Variants in AKR1C8 observed in about 807,000 individuals in gnomAD.
The protein encoded by AKR1C8 is aldo-keto reductase family 1 member C8.
the AKR1C8 span, chr10:5,158,616 G>C: frequency 2.1e-6 from 1 of 478,258 alleles, no homozygotes; most frequent in African/African-American, 2.0e-5. Context: ...GGGTCTCTTT[G>C]GGATCCCAGG....
the AKR1C8 span, among the ~76,000 whole-genome samples, chr10:5,177,419 A>G: frequency 2.6e-5 from 4 of 152,042 alleles, no homozygotes; most frequent in Non-Finnish European, 5.9e-5. Context: ...ATGTTCATCA[A>G]GGATATTGGT....
chr10:5,123,306 A>G, the AKR1C8 span: 1 of 252,332 alleles, frequency 4.0e-6, no homozygotes, highest in Non-Finnish European at 8.5e-6. Context: ...TGTTCATTGG[A>G]GCTCTTGACC....
chr10:5,154,078 G>A, the AKR1C8 span: 65,381 of 451,612 alleles, frequency 0.14, 5,360 homozygotes, highest in Admixed American at 0.19. Context: ...ATCAAATACT[G>A]AAATCCTCTC....
chr10:5,149,792 A>C, the AKR1C8 span, among the ~76,000 whole-genome samples: 17 of 152,294 alleles, frequency 1.1e-4, no homozygotes, highest in East Asian at 1.9e-4. Flanking sequence ...TATTAAACTT[A>C]TGTGAATAAC....
the AKR1C8 span, among the ~76,000 whole-genome samples, chr10:5,174,774 C>A: frequency 6.6e-6 from 1 of 151,158 alleles, no homozygotes; most frequent in Non-Finnish European, 1.5e-5. Flanking sequence ...TATGAAAAGA[C>A]ATAAAAATAA....
the AKR1C8 span, chr10:5,132,721 C>A: frequency 6.4e-7 from 1 of 1,556,914 alleles, no homozygotes; most frequent in Non-Finnish European, 8.8e-7. Context: ...TGGAAGAAAC[C>A]AGCTTCTATT....
chr10:5,173,245 A>G, the AKR1C8 span, among the ~76,000 whole-genome samples: 1 of 152,338 alleles, frequency 6.6e-6, no homozygotes. Flanking sequence ...ATTGATGAAG[A>G]GAAAAATATA....
the AKR1C8 span, chr10:5,123,834 A>G: frequency 6.2e-7 from 1 of 1,605,422 alleles, no homozygotes; most frequent in African/African-American, 1.3e-5. Flanking sequence ...CAGATGACAA[A>G]GATAGAAAAA....
chr10:5,130,303 A>T, the AKR1C8 span, among the ~76,000 whole-genome samples: 2 of 151,948 alleles, frequency 1.3e-5, no homozygotes, highest in African/African-American at 4.8e-5. Flanking sequence ...GACAAACCCA[A>T]AGCCAACATT....
the AKR1C8 span, among the ~76,000 whole-genome samples, chr10:5,119,010 A>G: frequency 1.3e-5 from 2 of 152,072 alleles, no homozygotes; most frequent in East Asian, 1.9e-4. Flanking sequence ...AATGTGAAAG[A>G]CCTTGCAGAA....
chr10:5,145,000 T>C, the AKR1C8 span, among the ~76,000 whole-genome samples: 5 of 151,724 alleles, frequency 3.3e-5, no homozygotes, highest in Non-Finnish European at 7.4e-5. Context: ...TGATATTGGC[T>C]GTGGGTTTGT....
chr10:5,174,278 C>T, the AKR1C8 span, among the ~76,000 whole-genome samples: 1 of 75,628 alleles, frequency 1.3e-5, no homozygotes, highest in Non-Finnish European at 3.0e-5. Context: ...TATGTGATGT[C>T]TATAAAAAAA....
chr10:5,120,390 A>T, the AKR1C8 span, among the ~76,000 whole-genome samples: 5 of 152,128 alleles, frequency 3.3e-5, no homozygotes, highest in Admixed American at 1.3e-4. Context: ...TAGGGTCTCC[A>T]CGATCAAGCT....
the AKR1C8 span, among the ~76,000 whole-genome samples, chr10:5,184,201 C>T: frequency 1.3e-5 from 2 of 152,160 alleles, no homozygotes; most frequent in African/African-American, 4.8e-5. Context: ...CTTTTCTTTC[C>T]CAGTCCATCA....
the AKR1C8 span, among the ~76,000 whole-genome samples, chr10:5,167,670 C>T: frequency 6.6e-6 from 1 of 152,036 alleles, no homozygotes; most frequent in Non-Finnish European, 1.5e-5. Flanking sequence ...TGGAGATATA[C>T]CTAATGTTAA....
At chr10:5,136,770 T>A in the AKR1C8 span, among the ~76,000 whole-genome samples, 1 of 152,096 alleles carries the variant, frequency 6.6e-6, no homozygotes, top group Non-Finnish European at 1.5e-5. Context: ...GAGGAGGACA[T>A]AAATAGTGTG....
At chr10:5,159,541 C>G in the AKR1C8 span, among the ~76,000 whole-genome samples, 1 of 152,070 alleles carries the variant, frequency 6.6e-6, no homozygotes, top group Admixed American at 6.6e-5. Context: ...ATGAACTTTC[C>G]CTAGGAGAAC....
chr10:5,175,804 GC>G, the AKR1C8 span, among the ~76,000 whole-genome samples: 216 of 149,322 alleles, frequency 1.4e-3, no homozygotes, highest in African/African-American at 4.5e-3. Flanking sequence ...CATGAACTTC[GC>G]CCACTTTTTG....
At chr10:5,124,501 C>G in the AKR1C8 span, among the ~76,000 whole-genome samples, 1 of 151,576 alleles carries the variant, frequency 6.6e-6, no homozygotes, top group Non-Finnish European at 1.5e-5. Context: ...AATGTAAAGT[C>G]AGAATAATAA....
Sources: gnomAD v4.1 joint callset for allele counts (sites outside exome capture counted in the v4.1 genomes callset) on GRCh38, gnomAD v4.1.1 for gene constraint, MANE v1.5 for transcripts, NCBI Gene and HGNC (gene_info 2026-07-23, HGNC 2026-07-21) for gene names.